The following KIF5C variants were observed in gnomAD, a reference collection of about 807,000 sequenced individuals.
The protein encoded by KIF5C is kinesin heavy chain isoform 5C.
Under a neutral mutation model 125.2 loss-of-function variants are expected in KIF5C, and 18 were observed. That is an observed-to-expected ratio of 0.14 (90% CI 0.10 to 0.21). The LOEUF (loss-of-function observed/expected upper bound fraction) is 0.21, where lower values mean the gene tolerates loss of function less well. Among genes scored for constraint, KIF5C ranks in the 10% least tolerant of loss-of-function variants. The pLI, the probability that KIF5C is intolerant of heterozygous loss-of-function variation, is 1.00. For synonymous variants in KIF5C, 405 were observed against 434.0 expected (o/e 0.93, Z 0.83); for missense variants, 780 against 1,183.8 (o/e 0.66, Z 5.01).
chr2:148,898,342 A>T (rs1574701295), intron 1 of KIF5C, among the ~76,000 whole-genome samples: 1 of 152,224 alleles, frequency 6.6e-6, no homozygotes, highest in East Asian at 1.9e-4. Flanking sequence ...TGAACTGAGT[A>T]TCTCATGAGA....
At chr2:148,948,080 G>A in intron 8 of KIF5C, 1 of 447,906 alleles carries the variant, frequency 2.2e-6, no homozygotes, top group Non-Finnish European at 4.5e-6. Context: ...GGGTGCAGTG[G>A]CTCACGCCTG....
At chr2:148,991,947 A>G (rs1295800578) in intron 16 of KIF5C, among the ~76,000 whole-genome samples, 3 of 152,204 alleles carry the variant, frequency 2.0e-5, no homozygotes, top group Non-Finnish European at 4.4e-5. Flanking sequence ...GCTACCACTG[A>G]TATCTGAGCT....
At chr2:148,929,776 C>T (rs1003582017) in intron 3 of KIF5C, among the ~76,000 whole-genome samples, 6 of 151,768 alleles carry the variant, frequency 4.0e-5, no homozygotes, top group East Asian at 1.9e-4. Context: ...TTGTGGGCCA[C>T]GTTCAGCCCA....
intron 17 of KIF5C, 80 bp downstream of exon 17, chr2:148,994,618 T>C: frequency 6.7e-7 from 1 of 1,482,492 alleles, no homozygotes; most frequent in Middle Eastern, 2.1e-4. Context: ...TCATGATGTT[T>C]AGTTTCGTTC....
chr2:148,953,427 T>C (rs1194117707), intron 10 of KIF5C, among the ~76,000 whole-genome samples: 2 of 152,234 alleles, frequency 1.3e-5, no homozygotes, highest in Non-Finnish European at 2.9e-5. Flanking sequence ...TTAAGGATGC[T>C]GAGCTATTCT....
In KIF5C at chr2:148,989,661, T is replaced by A. The variant is rs1374806502; in HGVS notation, c.1717-1349T>A. On this transcript the variant is annotated intron_variant, in intron 15 of 25. Transcript: ENST00000435030. ...ATGCCAACATCTATTTTTTTTTATT[T>A]TTTTTATTATGGCCATTCTTGCAGA... Among the ~76,000 whole-genome samples the A allele has an allele frequency of 3.3e-5, 5 of 152,352 alleles. No homozygotes were observed. In the East Asian group the frequency reaches 5.8e-4, roughly 18 times the overall value.
chr2:148,995,173 A>G (rs977352271), intron 17 of KIF5C, among the ~76,000 whole-genome samples: 1 of 152,174 alleles, frequency 6.6e-6, no homozygotes, highest in Admixed American at 6.5e-5. Flanking sequence ...GTCCAGGTTA[A>G]CTAAGGACTG....
At chr2:148,977,772 G>A (rs986500561) in intron 12 of KIF5C, among the ~76,000 whole-genome samples, 1 of 152,190 alleles carries the variant, frequency 6.6e-6, no homozygotes, top group Non-Finnish European at 1.5e-5. Context: ...TCCATGGAAA[G>A]CATTAGTTTG....
At chr2:148,920,697 C>T (rs1316087088) in intron 1 of KIF5C, among the ~76,000 whole-genome samples, 6 of 152,224 alleles carry the variant, frequency 3.9e-5, no homozygotes, top group Admixed American at 2.0e-4. Context: ...TTCAGCTCTA[C>T]CCAAGTAATA....
intron 4 of KIF5C, among the ~76,000 whole-genome samples, chr2:148,938,507 A>C (rs1036020150): frequency 1.3e-5 from 2 of 151,758 alleles, no homozygotes; most frequent in African/African-American, 2.4e-5. Flanking sequence ...TTGGTGGGAG[A>C]AGGGGTTGGC....
intron 1 of KIF5C, chr2:148,877,873 A>G (rs901276771): frequency 4.6e-5 from 7 of 152,152 alleles, no homozygotes; most frequent in African/African-American, 1.7e-4. Flanking sequence ...ATCCTTCTTT[A>G]ATATGACATT....
At chr2:148,996,587 C>T (rs886348886) in intron 17 of KIF5C, among the ~76,000 whole-genome samples, 12 of 152,200 alleles carry the variant, frequency 7.9e-5, no homozygotes, top group African/African-American at 2.9e-4. Context: ...CACCCCAGCT[C>T]CCCAGCTGGG....
At chr2:148,988,386 T>C (rs1415963439) in intron 15 of KIF5C, among the ~76,000 whole-genome samples, 1 of 152,208 alleles carries the variant, frequency 6.6e-6, no homozygotes, top group East Asian at 1.9e-4. Flanking sequence ...TGTCTAGCTC[T>C]TATTTTGGAG....
chr2:148,888,013 C>G (rs758830439), intron 1 of KIF5C, among the ~76,000 whole-genome samples: 4 of 152,240 alleles, frequency 2.6e-5, no homozygotes, highest in Non-Finnish European at 5.9e-5. Context: ...AGCACCGCAG[C>G]AATTAAGTAC....
intron 17 of KIF5C, among the ~76,000 whole-genome samples, 157 bp from the exon 18 acceptor site, chr2:148,997,107 A>G (rs1281238331): frequency 6.6e-6 from 1 of 152,230 alleles, no homozygotes; most frequent in East Asian, 1.9e-4. Flanking sequence ...TTTAGCCAGA[A>G]GTCCTTGCCT....
At chr2:148,982,069 G>C (rs959477354) in intron 14 of KIF5C, among the ~76,000 whole-genome samples, 5 of 152,170 alleles carry the variant, frequency 3.3e-5, no homozygotes, top group African/African-American at 1.2e-4. Context: ...GCAAGAGCAG[G>C]GTCCCATAGA....
intron 8 of KIF5C, among the ~76,000 whole-genome samples, chr2:148,948,406 C>T (rs926379155): frequency 3.0e-4 from 45 of 150,542 alleles, no homozygotes; most frequent in African/African-American, 1.0e-3. Context: ...TTTAGTTAAA[C>T]AGACGTACAA....
intron 23 of KIF5C, among the ~76,000 whole-genome samples, chr2:149,008,350 C>T (rs1682075128): frequency 6.6e-6 from 1 of 152,176 alleles, no homozygotes; most frequent in Non-Finnish European, 1.5e-5. Flanking sequence ...TCTTTTCATC[C>T]TGCCTCCACC....
intron 23 of KIF5C, among the ~76,000 whole-genome samples, chr2:149,008,716 C>T (rs1682086418): frequency 6.6e-6 from 1 of 152,138 alleles, no homozygotes; most frequent in South Asian, 2.1e-4. Context: ...TGGCTGTTTT[C>T]CCTCTTTAGG....
Sources: gnomAD v4.1 joint callset for allele counts (sites outside exome capture counted in the v4.1 genomes callset) on GRCh38, gnomAD v4.1.1 for gene constraint, MANE v1.5 for transcripts, NCBI Gene and HGNC (gene_info 2026-07-23, HGNC 2026-07-21) for gene names.